Variants in SUPT3H observed in about 807,000 individuals in gnomAD.
SUPT3H encodes the protein transcription initiation protein SPT3 homolog.
SUPT3H carries 44 observed loss-of-function variants against 44.3 expected under a neutral mutation model. The observed-to-expected ratio is 0.99, with a 90% CI of 0.78 to 1.28. SUPT3H has a LOEUF of 1.28. Among genes scored for constraint, SUPT3H ranks in the 50% most tolerant of loss-of-function variants. The pLI, the probability that SUPT3H is intolerant of heterozygous loss-of-function variation, is 0.00. For missense variants in SUPT3H, 380 were observed against 387.1 expected (o/e 0.98, Z 0.15); for synonymous variants, 124 against 125.6 (o/e 0.99, Z 0.09).
At chr6:45,281,109 G>A (rs1777969222) in intron 2 of SUPT3H, among the ~76,000 whole-genome samples, 2 of 152,112 alleles carry the variant, frequency 1.3e-5, no homozygotes, top group African/African-American at 4.8e-5. Flanking sequence ...AATTTATGAG[G>A]GGTGGAGACA....
chr6:45,012,464 A>T (rs185204686), intron 5 of SUPT3H, among the ~76,000 whole-genome samples: 1 of 152,082 alleles, frequency 6.6e-6, no homozygotes, highest in Non-Finnish European at 1.5e-5. Context: ...TTTTCATTTC[A>T]GTAATTGTAT....
intron 2 of SUPT3H, among the ~76,000 whole-genome samples, chr6:45,211,785 G>A (rs1221905549): frequency 5.3e-5 from 8 of 151,912 alleles, no homozygotes; most frequent in East Asian, 3.9e-4. Context: ...GGAGGCGGAC[G>A]TTGCAGTAAA....
At chr6:45,265,436 C>A (rs559269451) in intron 2 of SUPT3H, among the ~76,000 whole-genome samples, 1 of 152,204 alleles carries the variant, frequency 6.6e-6, no homozygotes, top group East Asian at 1.9e-4. Flanking sequence ...TGATATTTAG[C>A]ATGAGTCTAG....
At chr6:44,871,066 G>A (rs1359782686) in intron 10 of SUPT3H, among the ~76,000 whole-genome samples, 1 of 149,886 alleles carries the variant, frequency 6.7e-6, no homozygotes, top group East Asian at 2.0e-4. Flanking sequence ...CAACGAGGCT[G>A]GGGGAGGGGC....
intron 10 of SUPT3H, among the ~76,000 whole-genome samples, chr6:44,852,139 G>C (rs1348689928): frequency 1.3e-5 from 2 of 152,160 alleles, no homozygotes; most frequent in African/African-American, 4.8e-5. Context: ...CTGTATTCTA[G>C]TGAGGAGGGA....
intron 2 of SUPT3H, among the ~76,000 whole-genome samples, chr6:45,343,013 T>C (rs1421793323): frequency 1.3e-5 from 2 of 152,140 alleles, no homozygotes; most frequent in Non-Finnish European, 2.9e-5. Flanking sequence ...TGTCTCAATT[T>C]CCTCATCTGT....
chr6:45,011,308 G>A (rs539443376), intron 5 of SUPT3H, among the ~76,000 whole-genome samples: 1 of 152,110 alleles, frequency 6.6e-6, no homozygotes, highest in Non-Finnish European at 1.5e-5. Context: ...CTGTGACTGA[G>A]CTTTTCTTTG....
chr6:45,083,788 C>T (rs1033056026), intron 3 of SUPT3H, among the ~76,000 whole-genome samples: 2 of 151,370 alleles, frequency 1.3e-5, no homozygotes, highest in African/African-American at 4.9e-5. Flanking sequence ...AGAAATAAAG[C>T]CACACATCTA....
At chr6:45,149,353 A>C (rs990290293) in intron 2 of SUPT3H, among the ~76,000 whole-genome samples, 2 of 152,170 alleles carry the variant, frequency 1.3e-5, no homozygotes, top group Non-Finnish European at 2.9e-5. Flanking sequence ...AAGGTTTAAT[A>C]ATTTAGGTTA....
At chr6:45,322,016 A>G (rs1435107827) in intron 2 of SUPT3H, 1 of 600,764 alleles carries the variant, frequency 1.7e-6, no homozygotes, top group Non-Finnish European at 2.9e-6. Context: ...AAGTTTTAAT[A>G]TTGTTAATAC....
At chr6:44,821,721 T>A (rs1414125141) in intron 11 of SUPT3H, among the ~76,000 whole-genome samples, 1 of 152,040 alleles carries the variant, frequency 6.6e-6, no homozygotes, top group Admixed American at 6.5e-5. Context: ...ATAAGACATA[T>A]GAAAAAAGTT....
intron 2 of SUPT3H, chr6:45,321,672 G>T: frequency 1.5e-6 from 1 of 675,874 alleles, no homozygotes; most frequent in Non-Finnish European, 2.5e-6. Flanking sequence ...CATGCATGTT[G>T]ATTTCTGACA....
At chr6:45,182,654 G>A (rs1813492663) in intron 2 of SUPT3H, among the ~76,000 whole-genome samples, 1 of 152,172 alleles carries the variant, frequency 6.6e-6, no homozygotes, top group Non-Finnish European at 1.5e-5. Flanking sequence ...TATGGTATTT[G>A]ACCTACGAAA....
chr6:45,165,600 T>G (rs561074986), intron 2 of SUPT3H, among the ~76,000 whole-genome samples: 1 of 151,996 alleles, frequency 6.6e-6, no homozygotes, highest in East Asian at 1.9e-4. Flanking sequence ...AAGGTCCTAG[T>G]GGAAAAAGGC....
At chr6:44,905,555 C>T (rs373752806) in intron 10 of SUPT3H, among the ~76,000 whole-genome samples, 7,162 of 151,744 alleles carry the variant, frequency 0.047, 236 homozygotes, top group South Asian at 0.13. Flanking sequence ...AACAGGAACA[C>T]TTTTACACTG....
At chr6:45,109,510 AAC>A (rs1172929906) in intron 2 of SUPT3H, among the ~76,000 whole-genome samples, 1 of 113,582 alleles carries the variant, frequency 8.8e-6, no homozygotes, top group Non-Finnish European at 1.8e-5. Flanking sequence ...TTGTACTAAA[AAC>A]AGTTTTCATG....
chr6:45,343,708 CT>C (rs996724396), intron 2 of SUPT3H, among the ~76,000 whole-genome samples: 1 of 152,126 alleles, frequency 6.6e-6, no homozygotes, highest in African/African-American at 2.4e-5. Context: ...TGTGAAAAGC[CT>C]TGATGAAGTT....
At chr6:45,187,417 A>AG (rs888758659) in intron 2 of SUPT3H, among the ~76,000 whole-genome samples, 2 of 149,608 alleles carry the variant, frequency 1.3e-5, no homozygotes, top group African/African-American at 4.9e-5. Context: ...CTCCGTTTCA[A>AG]AAAAAAAAAA....
chr6:45,274,042 T>G (rs1026130991), intron 2 of SUPT3H, among the ~76,000 whole-genome samples: 2 of 152,254 alleles, frequency 1.3e-5, no homozygotes, highest in Non-Finnish European at 2.9e-5. Flanking sequence ...GATTTGCCAA[T>G]AGCTAATGAC....
Sources: allele counts gnomAD v4.1 joint callset (sites outside exome capture counted in the v4.1 genomes callset), GRCh38; gene constraint gnomAD v4.1.1; transcripts MANE v1.5; gene names NCBI Gene and HGNC (gene_info 2026-07-23, HGNC 2026-07-21).